The following THUMPD2 variants were observed in gnomAD, a reference collection of about 807,000 sequenced individuals.
THUMPD2 encodes THUMP domain 2 tRNA and snRNA guanosine methyltransferase.
Under a neutral mutation model 49.4 loss-of-function variants are expected in THUMPD2, and 56 were observed. The ratio of observed to expected loss-of-function variants is 1.13; its 90% CI spans 0.91 to 1.41. The LOEUF is 1.41. Ranked by LOEUF, THUMPD2 falls within the 40% of genes most tolerant of loss-of-function variation. The pLI is 0.00. For synonymous variants in THUMPD2, 237 were observed against 205.2 expected (o/e 1.15, Z -1.32); for missense variants, 709 against 594.5 (o/e 1.19, Z -2.00).
chr2:39,762,400 C>T (rs533140756), intron 5 of THUMPD2, among the ~76,000 whole-genome samples: 1 of 152,094 alleles, frequency 6.6e-6, no homozygotes, highest in African/African-American at 2.4e-5. Context: ...TTAACTTATC[C>T]TGTTTTTGTA....
Position 39,761,336 on chromosome 2 carries a change from T to C in THUMPD2, c.886A>G (p.Ile296Val), listed in dbSNP as rs776225848. The C allele has an allele frequency of 1.2e-6, 2 of 1,613,774 alleles. No homozygotes were observed. The highest frequency in any genetic ancestry group is 2.2e-5 in the East Asian group (1 of 44,852). Residue 296 changes from isoleucine to valine, a missense_variant, in exon 6 of 10, where the codon ATT (isoleucine) becomes GTT (valine). Coordinates refer to ENST00000505747, the MANE Select transcript of THUMPD2 (RefSeq NM_025264.5). ...AAGGAAAACATTTTTCTTACCTTAA[T>C]GTCAGCCAGAGATGCCATTGCCCAC... ...IAWAMASLAD[I>V]KAGAFVLDPM... is the part of the protein sequence containing the mutation.
At position 39,756,032 on chromosome 2, in the gene THUMPD2, TGAG is replaced by T. The variant is rs544666965; in HGVS notation, c.892-75_892-73del. The T allele has an allele frequency of 2.2e-4, 303 of 1,355,396 alleles. 1 individual carries two copies. The East Asian group carries it at 5.9e-3, about 27-fold the overall frequency. The allele number at this position is 1,355,396 out of a possible 1,614,324, so 84.0% of individuals were successfully genotyped here. A position where few individuals can be genotyped will look rare whatever the true frequency, so the allele number is the denominator to read the frequency against. ...CGTACTATAAAAGAAACCTAAAACT[TGAG>T]GAATCAATATTTCAAGAGGAAAGAT... On this transcript the variant is annotated intron_variant, in intron 6 of 9. Coordinates refer to ENST00000505747, the MANE Select transcript of THUMPD2 (RefSeq NM_025264.5).
intron 2 of THUMPD2, among the ~76,000 whole-genome samples, chr2:39,770,832 C>A (rs1438175144): frequency 6.6e-6 from 1 of 152,090 alleles, no homozygotes; most frequent in African/African-American, 2.4e-5. Context: ...CCATTTGCAT[C>A]TTTCTTAAAA....
chr2:39,737,619 GGAGA>G (rs1673274145), intron 9 of THUMPD2, among the ~76,000 whole-genome samples: 1 of 152,160 alleles, frequency 6.6e-6, no homozygotes, highest in African/African-American at 2.4e-5. Context: ...CATCTCTTTG[GGAGA>G]GAGAGGCGAG....
chr2:39,776,117 A>C (rs910170677), intron 1 of THUMPD2, among the ~76,000 whole-genome samples: 7 of 152,242 alleles, frequency 4.6e-5, no homozygotes, highest in Non-Finnish European at 1.0e-4. Context: ...GCAGTACTTA[A>C]TAATACATTA....
intron 6 of THUMPD2, 114 bp from the exon 7 acceptor site, chr2:39,756,074 G>A: frequency 1.0e-6 from 1 of 970,464 alleles, no homozygotes; most frequent in Non-Finnish European, 1.6e-6. Flanking sequence ...ATTTTAAAGG[G>A]GTGGTGGCTG....
intron 1 of THUMPD2, among the ~76,000 whole-genome samples, chr2:39,777,795 C>G (rs1224645170): frequency 6.6e-6 from 1 of 152,160 alleles, no homozygotes; most frequent in Non-Finnish European, 1.5e-5. Context: ...ATTGAATTTT[C>G]TTCCTGGTAA....
intron 9 of THUMPD2, 139 bp from the exon 10 acceptor site, chr2:39,737,198 G>A: frequency 1.3e-6 from 1 of 754,692 alleles, no homozygotes; most frequent in Non-Finnish European, 2.1e-6. Context: ...TGATAATTAG[G>A]TAGTATCTTC....
chr2:39,746,283 C>T (rs983351117), intron 8 of THUMPD2, among the ~76,000 whole-genome samples: 1 of 152,204 alleles, frequency 6.6e-6, no homozygotes, highest in Non-Finnish European at 1.5e-5. Context: ...GGCCTCTCTC[C>T]TGCTCTCCTT....
At chr2:39,751,716 G>A (rs556659644) in intron 8 of THUMPD2, among the ~76,000 whole-genome samples, 13 of 119,586 alleles carry the variant, frequency 1.1e-4, no homozygotes, top group Non-Finnish European at 1.7e-4. Flanking sequence ...ACGGAGTCTC[G>A]CCATGTCACC....
At chr2:39,771,245 T>C (rs1026553695) in intron 2 of THUMPD2, among the ~76,000 whole-genome samples, 1 of 152,094 alleles carries the variant, frequency 6.6e-6, no homozygotes, top group Admixed American at 6.5e-5. Flanking sequence ...AGAAGGTACC[T>C]GATCATAATT....
chr2:39,748,888 G>A (rs963598595), intron 8 of THUMPD2, among the ~76,000 whole-genome samples: 2 of 151,874 alleles, frequency 1.3e-5, no homozygotes, highest in Non-Finnish European at 2.9e-5. Flanking sequence ...AAGCTGAGAT[G>A]GGAGGACTGC....
chr2:39,779,081 C>G, intron 1 of THUMPD2, 33 bp downstream of exon 1: 1 of 1,486,760 alleles, frequency 6.7e-7, no homozygotes. Context: ...CAGGGCCGCC[C>G]ACCTCCCCAG....
At position 39,736,771 on chromosome 2, in the gene THUMPD2, T is replaced by C. The variant is rs774984404; in HGVS notation, c.1476A>G (p.Ile492Met). 3.7e-6 allele frequency: 6 copies of C among 1,614,000 alleles called. No individual in the cohort carries two copies. The highest frequency in any genetic ancestry group is 5.1e-6 in the Non-Finnish European group (6 of 1,180,012). ...AAGAGTGCGACTTCTTATATTTACA[T>C]ATGAACGCATCTGTCTTTCCAAGGC... ...KVSLGKTDAF[I>M]CKYKKSHSSG... The change falls in exon 10 of 10, where the codon ATA becomes ATG. Residue 492 changes from isoleucine to methionine, a missense_variant. By Grantham distance (10) the Ile-to-Met change is conservative (BLOSUM62 1). Transcript: ENST00000505747.
intron 8 of THUMPD2, among the ~76,000 whole-genome samples, chr2:39,748,574 G>C (rs571209928): frequency 4.6e-5 from 7 of 152,214 alleles, no homozygotes; most frequent in African/African-American, 1.4e-4. Context: ...TGTAGTCCCA[G>C]CTACTCAGGA....
chr2:39,739,128 T>C (rs911490371), intron 9 of THUMPD2, among the ~76,000 whole-genome samples: 3 of 152,144 alleles, frequency 2.0e-5, no homozygotes, highest in African/African-American at 7.2e-5. Flanking sequence ...TCCCACTCTG[T>C]CTTCCGTTTC....
intron 3 of THUMPD2, chr2:39,769,043 C>A (rs1677936998): frequency 7.7e-7 from 1 of 1,304,660 alleles, no homozygotes; most frequent in Non-Finnish European, 1.0e-6. Flanking sequence ...ATTGCTGAGA[C>A]CTCATGTGCA....
intron 9 of THUMPD2, among the ~76,000 whole-genome samples, chr2:39,740,288 T>C (rs913014162): frequency 4.6e-5 from 7 of 152,232 alleles, no homozygotes; most frequent in Non-Finnish European, 8.8e-5. Context: ...TAATGGTACA[T>C]ACATATAATG....
intron 8 of THUMPD2, among the ~76,000 whole-genome samples, chr2:39,745,560 A>C (rs1285070243): frequency 6.6e-6 from 1 of 152,212 alleles, no homozygotes; most frequent in Non-Finnish European, 1.5e-5. Flanking sequence ...ATAGTTCTCA[A>C]ATGTTTTATT....
Sources: gnomAD v4.1 joint callset for allele counts (sites outside exome capture counted in the v4.1 genomes callset) on GRCh38, gnomAD v4.1.1 for gene constraint, MANE v1.5 for transcripts, NCBI Gene and HGNC (gene_info 2026-07-23, HGNC 2026-07-21) for gene names.